AKAP19: variants seen among roughly 807,000 people sequenced by gnomAD.
AKAP19 encodes small A-kinase anchoring protein.
chr2:189,895,035 GA>G, the AKAP19 span, among the ~76,000 whole-genome samples: 1 of 149,522 alleles, frequency 6.7e-6, no homozygotes, highest in Non-Finnish European at 1.5e-5. Flanking sequence ...ACTAATGAAA[GA>G]AAAAAAACAA....
At chr2:190,163,192 T>A in the AKAP19 span, among the ~76,000 whole-genome samples, 12 of 152,192 alleles carry the variant, frequency 7.9e-5, no homozygotes, top group South Asian at 2.5e-3. Flanking sequence ...CCTAGCACTT[T>A]GGGAGGCCGA....
At chr2:190,200,422 CTAAG>C in the AKAP19 span, 17 of 324,352 alleles carry the variant, frequency 5.2e-5, no homozygotes, top group African/African-American at 3.6e-4. Context: ...GCACTTCTTC[CTAAG>C]TAATGGCATC....
the AKAP19 span, among the ~76,000 whole-genome samples, chr2:189,895,107 A>G: frequency 6.6e-6 from 1 of 152,174 alleles, no homozygotes; most frequent in African/African-American, 2.4e-5. Flanking sequence ...TAATGAAGAA[A>G]TAAAATTAGA....
At chr2:189,939,226 C>T in the AKAP19 span, among the ~76,000 whole-genome samples, 1 of 152,224 alleles carries the variant, frequency 6.6e-6, no homozygotes, top group Admixed American at 6.5e-5. Context: ...TGGCACCATG[C>T]TGTAGGAGGT....
chr2:189,934,493 T>C, the AKAP19 span, among the ~76,000 whole-genome samples: 1 of 151,986 alleles, frequency 6.6e-6, no homozygotes. Flanking sequence ...GAGGGAAACA[T>C]TTTTTGTTGA....
the AKAP19 span, among the ~76,000 whole-genome samples, chr2:189,943,362 G>T: frequency 5.9e-5 from 9 of 152,234 alleles, no homozygotes; most frequent in Non-Finnish European, 1.2e-4. Context: ...GCTTCCACAT[G>T]TTGTTAAGCT....
the AKAP19 span, among the ~76,000 whole-genome samples, chr2:190,167,805 C>G: frequency 6.6e-6 from 1 of 152,224 alleles, no homozygotes; most frequent in Non-Finnish European, 1.5e-5. Flanking sequence ...TTAGGCAGCT[C>G]CACCCCTGTG....
chr2:189,953,526 C>G, the AKAP19 span, among the ~76,000 whole-genome samples: 1 of 149,958 alleles, frequency 6.7e-6, no homozygotes, highest in Non-Finnish European at 1.5e-5. Flanking sequence ...CCCAGCTACT[C>G]AGGAGGCTGA....
At chr2:190,176,857 T>C in the AKAP19 span, among the ~76,000 whole-genome samples, 1 of 152,218 alleles carries the variant, frequency 6.6e-6, no homozygotes, top group Non-Finnish European at 1.5e-5. This position sits in a 1 kb window ranked among gnomAD's most constrained non-coding sequence, Gnocchi z 4.7. Flanking sequence ...CAAATCCGAA[T>C]AAAATCTTAG....
chr2:190,166,317 C>CTTTTTTTTTT, the AKAP19 span, among the ~76,000 whole-genome samples: 77 of 65,300 alleles, frequency 1.2e-3, 3 homozygotes, highest in African/African-American at 2.3e-3. Context: ...AAAATCCACT[C>CTTTTTTTTTT]TTTTTTTTTT....
chr2:190,045,559 A>T, the AKAP19 span, among the ~76,000 whole-genome samples: 1 of 151,964 alleles, frequency 6.6e-6, no homozygotes, highest in Non-Finnish European at 1.5e-5. Context: ...CCCCTGGCCC[A>T]TACTCTCCAA....
At chr2:189,929,207 A>G in the AKAP19 span, among the ~76,000 whole-genome samples, 1 of 152,170 alleles carries the variant, frequency 6.6e-6, no homozygotes, top group African/African-American at 2.4e-5. Flanking sequence ...TCCAAGAAAC[A>G]GGGACTGAGA....
At chr2:189,885,998 G>A in the AKAP19 span, among the ~76,000 whole-genome samples, 1 of 151,868 alleles carries the variant, frequency 6.6e-6, no homozygotes, top group African/African-American at 2.4e-5. Flanking sequence ...TAGTAGAGAC[G>A]GGGTTTCACC....
the AKAP19 span, chr2:190,180,365 G>C: frequency 2.9e-6 from 2 of 695,152 alleles, no homozygotes; most frequent in South Asian, 1.3e-4. The surrounding 1 kb of genome is among the most constrained non-coding windows in gnomAD (Gnocchi z 6.8). Flanking sequence ...CAGGCCCCGC[G>C]GGGGAGAGGC....
At chr2:190,180,832 C>T in the AKAP19 span, 1 of 985,246 alleles carries the variant, frequency 1.0e-6, no homozygotes, top group Non-Finnish European at 1.2e-6. The surrounding 1 kb of genome is among the most constrained non-coding windows in gnomAD (Gnocchi z 6.8). Context: ...GGCCGGGAGC[C>T]CGGGCGCCGC....
the AKAP19 span, among the ~76,000 whole-genome samples, chr2:189,925,146 T>G: frequency 1.3e-5 from 2 of 152,152 alleles, no homozygotes; most frequent in African/African-American, 4.8e-5. Context: ...GTTCCTGAGA[T>G]TCATTCATAC....
the AKAP19 span, among the ~76,000 whole-genome samples, chr2:190,140,053 A>G: frequency 6.6e-6 from 1 of 152,236 alleles, no homozygotes; most frequent in Non-Finnish European, 1.5e-5. Flanking sequence ...AAGGGGCTAC[A>G]GACCCCATGC....
At chr2:189,996,541 C>T in the AKAP19 span, among the ~76,000 whole-genome samples, 8 of 152,050 alleles carry the variant, frequency 5.3e-5, no homozygotes, top group Admixed American at 5.2e-4. Flanking sequence ...TCACCTTTCT[C>T]TGGTATCTCC....
chr2:190,112,069 T>G, the AKAP19 span, among the ~76,000 whole-genome samples: 1 of 152,132 alleles, frequency 6.6e-6, no homozygotes, highest in Admixed American at 6.5e-5. Context: ...AGCTGATTTT[T>G]TGTGTTTTTA....
Sources: allele counts gnomAD v4.1 joint callset (sites outside exome capture counted in the v4.1 genomes callset), GRCh38; gene constraint gnomAD v4.1.1; non-coding constraint Gnocchi (gnomAD v3.1); transcripts MANE v1.5; gene names NCBI Gene and HGNC (gene_info 2026-07-23, HGNC 2026-07-21).